Variants in PPARGC1A observed in about 807,000 individuals in gnomAD.
PPARGC1A encodes PPARG coactivator 1 alpha.
In PPARGC1A, 25 loss-of-function variants were observed where a neutral mutation model predicts 88.7. That is an observed-to-expected ratio of 0.28 (90% CI 0.21 to 0.39). The LOEUF (loss-of-function observed/expected upper bound fraction) is 0.39. Ranked by LOEUF, PPARGC1A falls within the 10% of genes least tolerant of loss-of-function variation. The pLI, the probability that PPARGC1A is intolerant of heterozygous loss-of-function variation, is 1.00. For missense variants in PPARGC1A, 880 were observed against 968.7 expected (o/e 0.91, Z 1.22); for synonymous variants, 363 against 355.6 (o/e 1.02, Z -0.24).
chr4:23,800,321 C>T (rs2109334080), intron 12 of PPARGC1A, among the ~76,000 whole-genome samples: 1 of 152,152 alleles, frequency 6.6e-6, no homozygotes, highest in South Asian at 2.1e-4. Context: ...AATTTAAAGG[C>T]TTACTATGCA....
At chr4:24,063,533 GATA>G in the PPARGC1A span, among the ~76,000 whole-genome samples, 1 of 152,122 alleles carries the variant, frequency 6.6e-6, no homozygotes, top group Non-Finnish European at 1.5e-5. Flanking sequence ...GTAAAATTGG[GATA>G]ATATTTCTCA....
the PPARGC1A span, among the ~76,000 whole-genome samples, chr4:24,352,143 G>A: frequency 3.9e-5 from 6 of 152,142 alleles, no homozygotes; most frequent in African/African-American, 7.2e-5. Context: ...AGTGGGAGGC[G>A]AGAGGCCAGG....
the PPARGC1A span, among the ~76,000 whole-genome samples, chr4:23,979,142 G>A: frequency 1.3e-5 from 2 of 152,162 alleles, no homozygotes. Context: ...TTTCTGGCTT[G>A]TATGTAATTA....
chr4:24,093,832 G>T, the PPARGC1A span, among the ~76,000 whole-genome samples: 2 of 152,264 alleles, frequency 1.3e-5, no homozygotes, highest in African/African-American at 4.8e-5. Flanking sequence ...CCCTGGGCAG[G>T]TTACTCATCT....
chr4:23,923,121 T>A, the PPARGC1A span, among the ~76,000 whole-genome samples: 1 of 67,174 alleles, frequency 1.5e-5, no homozygotes, highest in Non-Finnish European at 3.2e-5. Context: ...TGCTTGTTTT[T>A]TTTTTTTTTT....
chr4:24,324,428 C>G, the PPARGC1A span, among the ~76,000 whole-genome samples: 1 of 152,028 alleles, frequency 6.6e-6, no homozygotes, highest in Non-Finnish European at 1.5e-5. Context: ...GCAAGAACCC[C>G]CCACCCCTTC....
At chr4:23,805,048 T>G (rs909481972) in intron 10 of PPARGC1A, among the ~76,000 whole-genome samples, 8 of 152,286 alleles carry the variant, frequency 5.3e-5, no homozygotes, top group African/African-American at 1.9e-4. Flanking sequence ...AAACAAAGCA[T>G]CAAAACATAA....
chr4:23,953,762 C>A, the PPARGC1A span, among the ~76,000 whole-genome samples: 1 of 151,980 alleles, frequency 6.6e-6, no homozygotes, highest in Non-Finnish European at 1.5e-5. Context: ...ATAATCGATT[C>A]AAGTCGTCAA....
the PPARGC1A span, among the ~76,000 whole-genome samples, chr4:24,286,896 C>T: frequency 2.0e-5 from 3 of 152,118 alleles, no homozygotes; most frequent in African/African-American, 7.2e-5. Flanking sequence ...GATCTACTCC[C>T]AAGCTTCCTC....
the PPARGC1A span, among the ~76,000 whole-genome samples, chr4:24,045,072 T>G: frequency 0.22 from 33,506 of 151,878 alleles, 3,982 homozygotes; most frequent in Admixed American, 0.32. Flanking sequence ...AGCAAGAGCC[T>G]ACATCCTAAT....
the PPARGC1A span, among the ~76,000 whole-genome samples, chr4:23,931,970 T>C: frequency 3.3e-5 from 5 of 152,174 alleles, no homozygotes; most frequent in Non-Finnish European, 7.3e-5. Flanking sequence ...TTGTCAGGGT[T>C]GTTAAAAGGA....
chr4:24,361,511 TTC>T, the PPARGC1A span, among the ~76,000 whole-genome samples: 3 of 152,028 alleles, frequency 2.0e-5, no homozygotes, highest in Admixed American at 6.6e-5. Context: ...CTCTGCCTCT[TTC>T]TCTCTCTCTC....
chr4:23,829,519 TACTGAGACC>T lies in PPARGC1A; in HGVS notation c.487_495del (p.Gly163_Ser165del), dbSNP rs780698463. On this transcript the variant is annotated inframe_deletion, in exon 4 of 13. Transcript: ENST00000264867. ...TGATTGTGATTTGCATGGTTCTGGG[TACTGAGACC>T]ACTGCATTCATTATAACTTAGCTGA... 8.7e-6 allele frequency: 14 copies of T among 1,613,620 alleles called. No individual in the cohort carries two copies. The highest frequency in any genetic ancestry group is 3.4e-6 in the Non-Finnish European group (4 of 1,179,534).
At chr4:23,861,210 C>T (rs1454422436) in intron 2 of PPARGC1A, among the ~76,000 whole-genome samples, 1 of 152,080 alleles carries the variant, frequency 6.6e-6, no homozygotes. Flanking sequence ...AAATAGGCAC[C>T]ACTTTATCTT....
At chr4:23,834,401 A>G (rs1725639412) in intron 2 of PPARGC1A, among the ~76,000 whole-genome samples, 1 of 151,928 alleles carries the variant, frequency 6.6e-6, no homozygotes, top group Non-Finnish European at 1.5e-5. Flanking sequence ...AGGCAAGAAA[A>G]TTGCTTGAAC....
At chr4:23,817,599 C>G (rs1460171336) in intron 7 of PPARGC1A, among the ~76,000 whole-genome samples, 1 of 152,022 alleles carries the variant, frequency 6.6e-6, no homozygotes, top group African/African-American at 2.4e-5. Context: ...AATATAAGGG[C>G]TGGAAATTTC....
At chr4:24,223,154 G>A in the PPARGC1A span, among the ~76,000 whole-genome samples, 2 of 151,740 alleles carry the variant, frequency 1.3e-5, no homozygotes, top group African/African-American at 4.8e-5. Context: ...GAAAGCTATA[G>A]GCACAAAGAC....
chr4:24,168,133 T>A, the PPARGC1A span, among the ~76,000 whole-genome samples: 1 of 152,228 alleles, frequency 6.6e-6, no homozygotes, highest in Admixed American at 6.5e-5. Context: ...CAGTATAGTA[T>A]AAAAATAACT....
the PPARGC1A span, among the ~76,000 whole-genome samples, chr4:23,931,434 C>CT: frequency 1.1e-3 from 165 of 148,850 alleles, no homozygotes; most frequent in African/African-American, 2.9e-3. Context: ...CCCGCCCTGA[C>CT]TTTTTTTTTT....
Sources: gnomAD v4.1 joint callset for allele counts (sites outside exome capture counted in the v4.1 genomes callset) on GRCh38, gnomAD v4.1.1 for gene constraint, MANE v1.5 for transcripts, NCBI Gene and HGNC (gene_info 2026-07-23, HGNC 2026-07-21) for gene names.